The following SDK1 variants were observed in gnomAD, a reference collection of about 807,000 sequenced individuals.
The protein encoded by SDK1 is sidekick cell adhesion molecule 1.
Under a neutral mutation model 245.5 loss-of-function variants are expected in SDK1, and 157 were observed. The ratio of observed to expected loss-of-function variants is 0.64; its 90% CI spans 0.56 to 0.73. SDK1 has a LOEUF of 0.73. Among genes scored for constraint, SDK1 ranks in the 30% least tolerant of loss-of-function variants. The probability of loss-of-function intolerance (pLI) is 0.00; values close to 1 mark genes in which losing one functional copy is unlikely to be tolerated. For missense variants in SDK1, 3,583 were observed against 3,002.3 expected (o/e 1.19, Z -4.52); for synonymous variants, 1,647 against 1,278.5 (o/e 1.29, Z -6.15).
intron 4 of SDK1, among the ~76,000 whole-genome samples, chr7:3,798,928 T>C (rs572710196): frequency 3.8e-4 from 58 of 152,348 alleles, no homozygotes; most frequent in Non-Finnish European, 7.5e-4. Flanking sequence ...CACCAGTGGA[T>C]CTTGCCTGCA....
chr7:3,311,975 G>A (rs1236739519), intron 1 of SDK1, among the ~76,000 whole-genome samples: 1 of 152,128 alleles, frequency 6.6e-6, no homozygotes, highest in Non-Finnish European at 1.5e-5. Context: ...CTTGGAAGGT[G>A]GAGTAAAGGT....
intron 4 of SDK1, among the ~76,000 whole-genome samples, chr7:3,722,559 T>G (rs1268662148): frequency 6.6e-6 from 1 of 152,096 alleles, no homozygotes; most frequent in Non-Finnish European, 1.5e-5. Context: ...GCTGCTGAGG[T>G]CCAGGAGCTC....
At position 4,143,458 on chromosome 7, in the gene SDK1, G is replaced by A. The variant is rs113896955; in HGVS notation, c.4229-2264G>A. On this transcript the variant is annotated intron_variant, in intron 28 of 44. Coordinates refer to ENST00000404826, the MANE Select transcript of SDK1 (RefSeq NM_152744.4). Reference sequence around the variant, plus strand: ...CACCGTGAGCCCCCAGAGCCCTCCTGGCACCCCGTGAGGTGTCCTGCCATA... The same window carrying A: ...CACCGTGAGCCCCCAGAGCCCTCCTAGCACCCCGTGAGGTGTCCTGCCATA... Among the ~76,000 whole-genome samples the A allele has an allele frequency of 8.7e-4, 133 of 152,222 alleles. 1 individual carries two copies. Among genetic ancestry groups the A allele is most frequent in the African/African-American group, 2.9e-3 (119 of 41,548 alleles).
intron 4 of SDK1, among the ~76,000 whole-genome samples, chr7:3,734,525 T>G (rs1056541595): frequency 6.6e-6 from 1 of 152,268 alleles, no homozygotes; most frequent in East Asian, 1.9e-4. Context: ...GTTCTTTAAC[T>G]ATCAAGTCAG....
At chr7:3,559,386 G>C (rs1408414467) in intron 1 of SDK1, among the ~76,000 whole-genome samples, 3 of 152,054 alleles carry the variant, frequency 2.0e-5, no homozygotes, top group Non-Finnish European at 2.9e-5. Context: ...TGTGGACTCT[G>C]CTTGGATCCA....
chr7:3,528,967 G>A (rs1248999513), intron 1 of SDK1, among the ~76,000 whole-genome samples: 2 of 152,258 alleles, frequency 1.3e-5, no homozygotes, highest in East Asian at 1.9e-4. Context: ...GTTTAAAGGG[G>A]CACTGGGACT....
At chr7:4,218,714 C>T (rs1252303881) in intron 38 of SDK1, among the ~76,000 whole-genome samples, 5 of 152,128 alleles carry the variant, frequency 3.3e-5, no homozygotes, top group Admixed American at 6.5e-5. Context: ...GGACTCAGGA[C>T]GGTGGGTGCC....
At chr7:3,361,460 A>G (rs969392133) in intron 1 of SDK1, among the ~76,000 whole-genome samples, 1 of 151,876 alleles carries the variant, frequency 6.6e-6, no homozygotes, top group South Asian at 2.1e-4. Flanking sequence ...TTCCCTTCCC[A>G]GCATCTCTGC....
At chr7:4,041,540 TC>T (rs1788637323) in intron 17 of SDK1, among the ~76,000 whole-genome samples, 1 of 152,014 alleles carries the variant, frequency 6.6e-6, no homozygotes, top group South Asian at 2.1e-4. Context: ...GTGACATGTA[TC>T]CCCCGTTATA....
intron 40 of SDK1, among the ~76,000 whole-genome samples, chr7:4,221,827 G>A (rs761277972): frequency 2.6e-4 from 39 of 152,108 alleles, no homozygotes; most frequent in Non-Finnish European, 4.1e-4. Flanking sequence ...TTAGGCTTCC[G>A]AAAATGAGGT....
rs112135169 is a variant in SDK1 at position 3,556,950 on chromosome 7, C to T, written c.299-62130C>T. Among the ~76,000 whole-genome samples the T allele has an allele frequency of 1.0e-3, 156 of 151,778 alleles. 1 individual carries two copies. The highest frequency in any genetic ancestry group is 2.6e-3 in the Admixed American group (39 of 15,248). Reference sequence around the variant, plus strand: ...TCTGTATCACAATATCTCATGTACCCCTTAAATATTTACACATACTGTAGA... The same window carrying T: ...TCTGTATCACAATATCTCATGTACCTCTTAAATATTTACACATACTGTAGA... On this transcript the variant is annotated intron_variant, in intron 1 of 44. Transcript: ENST00000404826.
chr7:3,575,214 G>A (rs1001736350), intron 1 of SDK1, among the ~76,000 whole-genome samples: 4 of 152,164 alleles, frequency 2.6e-5, no homozygotes, highest in South Asian at 2.1e-4. Flanking sequence ...TTTGTAGGTG[G>A]CTGCCTTCTT....
intron 4 of SDK1, among the ~76,000 whole-genome samples, chr7:3,726,277 G>A (rs189877977): frequency 6.6e-6 from 1 of 152,182 alleles, no homozygotes; most frequent in Non-Finnish European, 1.5e-5. Flanking sequence ...CAGATTTAGA[G>A]GTATGCTCAC....
intron 4 of SDK1, among the ~76,000 whole-genome samples, chr7:3,731,172 G>A (rs1224470544): frequency 6.6e-6 from 1 of 152,154 alleles, no homozygotes; most frequent in Admixed American, 6.5e-5. Flanking sequence ...GACGGGCGGA[G>A]AGCTGGTCAA....
intron 1 of SDK1, among the ~76,000 whole-genome samples, chr7:3,526,830 T>C (rs970334986): frequency 6.6e-6 from 1 of 152,216 alleles, no homozygotes; most frequent in Non-Finnish European, 1.5e-5. Flanking sequence ...GTATGCATTT[T>C]TGAATCTTAT....
rs116268541 is a variant in SDK1, at chr7:3,426,042, G to A, written c.298+124158G>A. ...AAATACATAAAATTACTTTTTATTT[G>A]TCTTCTCAGATATATGGCGTGTTCT... On this transcript the variant is annotated intron_variant, in intron 1 of 44. Coordinates refer to ENST00000404826, the MANE Select transcript of SDK1 (RefSeq NM_152744.4). 6.3e-3 allele frequency among the ~76,000 whole-genome samples: 962 copies of A among 152,258 alleles called. 11 individuals carry two copies. The highest frequency in any genetic ancestry group is 0.022 in the African/African-American group (913 of 41,552).
intron 1 of SDK1, among the ~76,000 whole-genome samples, chr7:3,366,083 AT>A (rs1400862960): frequency 1.3e-5 from 2 of 150,376 alleles, no homozygotes; most frequent in African/African-American, 2.4e-5. Flanking sequence ...CTGTGTAGAT[AT>A]TTTACCGATT....
At chr7:3,953,018 A>G (rs981280104) in intron 7 of SDK1, among the ~76,000 whole-genome samples, 2 of 152,116 alleles carry the variant, frequency 1.3e-5, no homozygotes, top group African/African-American at 2.4e-5. Context: ...GATAAGAGGT[A>G]GCCTTAGAGG....
At chr7:4,011,448 T>C (rs928103114) in intron 15 of SDK1, among the ~76,000 whole-genome samples, 11 of 152,194 alleles carry the variant, frequency 7.2e-5, no homozygotes, top group African/African-American at 2.7e-4. Flanking sequence ...TCCACCCCAC[T>C]GCCGGGTGGA....
Sources: allele counts gnomAD v4.1 joint callset (sites outside exome capture counted in the v4.1 genomes callset), GRCh38; gene constraint gnomAD v4.1.1; transcripts MANE v1.5; gene names NCBI Gene and HGNC (gene_info 2026-07-23, HGNC 2026-07-21).